MEI1: variants seen among roughly 807,000 people sequenced by gnomAD.
MEI1 encodes meiosis inhibitor protein 1.
Under a neutral mutation model 146.2 loss-of-function variants are expected in MEI1, and 103 were observed. The ratio of observed to expected loss-of-function variants is 0.70; its 90% CI spans 0.60 to 0.83. The LOEUF (loss-of-function observed/expected upper bound fraction) is 0.83. Ranked by LOEUF, MEI1 falls within the 40% of genes least tolerant of loss-of-function variation. MEI1 has a pLI of 0.00. For missense variants in MEI1, 1,529 were observed against 1,533.0 expected, an observed-to-expected ratio of 1.00 and a Z score of 0.04; for synonymous variants, 652 against 628.2, an observed-to-expected ratio of 1.04 and a Z score of -0.57.
At chr22:41,771,276 C>A (rs1443664967) in intron 20 of MEI1, among the ~76,000 whole-genome samples, 1 of 152,220 alleles carries the variant, frequency 6.6e-6, no homozygotes, top group Non-Finnish European at 1.5e-5. Context: ...ATCTCTCAAG[C>A]AGATTCTGCT....
chr22:41,712,671 G>GGTGT (rs1191178804), intron 3 of MEI1, among the ~76,000 whole-genome samples: 574 of 56,254 alleles, frequency 0.01, 5 homozygotes, highest in African/African-American at 0.038. Flanking sequence ...AATAGAAATA[G>GGTGT]ATGTGTGTGT....
Position 41,739,543 on chromosome 22 carries a change from G to C in MEI1, c.1332-3537G>C, listed in dbSNP as rs550997854. Among the ~76,000 whole-genome samples, 652 of 132,502 alleles carry C rather than the reference G, an allele frequency of 4.9e-3. 8 individuals are homozygous for C. The highest frequency in any genetic ancestry group is 5.7e-3 in the Non-Finnish European group (380 of 66,398). 86.9% of individuals were successfully genotyped at this position (132,502 alleles called of 152,430 possible). On this transcript the variant is annotated intron_variant, in intron 11 of 30. Coordinates refer to ENST00000401548, the MANE Select transcript of MEI1 (RefSeq NM_152513.4). Reference sequence around the variant, plus strand: ...AGTCTTTGTGATTTGACTCTAGGTTGGTTCTAAAAATTGAAACAAAAAATA... The same window carrying C: ...AGTCTTTGTGATTTGACTCTAGGTTCGTTCTAAAAATTGAAACAAAAAATA...
chr22:41,702,447 C>T (rs2068779859), intron 1 of MEI1, among the ~76,000 whole-genome samples: 1 of 148,846 alleles, frequency 6.7e-6, no homozygotes, highest in South Asian at 2.1e-4. Context: ...CTTGAACACA[C>T]TTTTTTTCTT....
chr22:41,762,466 C>T (rs1157406063), intron 18 of MEI1, among the ~76,000 whole-genome samples: 1 of 151,902 alleles, frequency 6.6e-6, no homozygotes, highest in East Asian at 1.9e-4. Context: ...CCTCAACCTC[C>T]TGGGCTCCAG....
chr22:41,777,099 G>A (rs2148111523), intron 21 of MEI1, among the ~76,000 whole-genome samples: 1 of 151,608 alleles, frequency 6.6e-6, no homozygotes, highest in Admixed American at 6.6e-5. Flanking sequence ...TTACAGGGGT[G>A]AGCCACTGCG....
At chr22:41,762,150 A>G (rs937932765) in intron 18 of MEI1, among the ~76,000 whole-genome samples, 20 of 151,010 alleles carry the variant, frequency 1.3e-4, no homozygotes, top group Middle Eastern at 3.4e-3. Context: ...TATATTCTCA[A>G]TCCTCTCACC....
At chr22:41,705,943 G>A (rs2069061936) in intron 3 of MEI1, among the ~76,000 whole-genome samples, 1 of 151,800 alleles carries the variant, frequency 6.6e-6, no homozygotes, top group Non-Finnish European at 1.5e-5. Flanking sequence ...CCTGACCTCA[G>A]GCGATCTGCC....
intron 19 of MEI1, among the ~76,000 whole-genome samples, chr22:41,768,963 A>G (rs2075015973): frequency 1.3e-5 from 2 of 152,234 alleles, no homozygotes; most frequent in South Asian, 4.1e-4. Context: ...GCATTCATGA[A>G]TTGGAAGACT....
intron 3 of MEI1, among the ~76,000 whole-genome samples, chr22:41,708,573 C>T (rs1222692148): frequency 6.6e-6 from 1 of 152,168 alleles, no homozygotes; most frequent in African/African-American, 2.4e-5. Context: ...CACTATAAAA[C>T]CCAATGAAGT....
chr22:41,699,760 C>G, intron 1 of MEI1, 48 bp downstream of exon 1: 1 of 1,511,072 alleles, frequency 6.6e-7, no homozygotes, highest in Non-Finnish European at 8.8e-7. Flanking sequence ...GGCCATTTCC[C>G]TCAGCAAACG....
chr22:41,729,584 A>T, intron 7 of MEI1, 81 bp from the exon 8 acceptor site: 2 of 804,612 alleles, frequency 2.5e-6, no homozygotes, highest in Non-Finnish European at 4.2e-6. Flanking sequence ...GAATTAGGCT[A>T]TTGCCCTGAG....
chr22:41,714,132 G>T (rs1002587998), intron 4 of MEI1, 57 bp downstream of exon 4: 3 of 1,490,218 alleles, frequency 2.0e-6, no homozygotes, highest in Middle Eastern at 1.7e-4. Context: ...GTCAGAGCTG[G>T]GTCAACCCTT....
At chr22:41,777,720 C>A (rs1409668232) in intron 21 of MEI1, among the ~76,000 whole-genome samples, 1 of 152,052 alleles carries the variant, frequency 6.6e-6, no homozygotes, top group East Asian at 1.9e-4. Context: ...TTTATTTCTC[C>A]CAGTTTTGGG....
In MEI1 at chr22:41,795,643, G is replaced by A. The variant is rs1395423013; in HGVS notation, c.3667-92G>A. On this transcript the variant is annotated intron_variant, in intron 29 of 30. Coordinates refer to ENST00000401548, the MANE Select transcript of MEI1 (RefSeq NM_152513.4). This position sits in a 1 kb window ranked among gnomAD's most constrained non-coding sequence, Gnocchi z 4.2. ...CTCTGGCCACAGCAACCAAGGAATG[G>A]GAGGAGGGAAGTACAGAGGATGGAG... is the stretch of plus-strand genomic sequence containing the variant. The A allele has an allele frequency of 1.9e-6, 3 of 1,592,006 alleles. No individual in the cohort carries two copies. In the African/African-American group the frequency reaches 4.0e-5, roughly 21 times the overall value.
intron 11 of MEI1, among the ~76,000 whole-genome samples, chr22:41,736,082 C>T (rs979584576): frequency 1.3e-5 from 2 of 152,114 alleles, no homozygotes; most frequent in Non-Finnish European, 1.5e-5. Context: ...GCTTCTAATA[C>T]GGAACACTTC....
intron 17 of MEI1, among the ~76,000 whole-genome samples, chr22:41,756,058 A>G (rs1681259046): frequency 6.6e-6 from 1 of 152,196 alleles, no homozygotes; most frequent in Non-Finnish European, 1.5e-5. Context: ...TCTGTGGAGT[A>G]GTGTCAAATA....
intron 1 of MEI1, among the ~76,000 whole-genome samples, chr22:41,699,972 C>A (rs2068570167): frequency 6.6e-6 from 1 of 152,256 alleles, no homozygotes; most frequent in Non-Finnish European, 1.5e-5. Flanking sequence ...TCCGGATCCC[C>A]CGGGACCTCA....
intron 8 of MEI1, 91 bp from the exon 9 acceptor site, chr22:41,730,430 G>A (rs1280423889): frequency 1.3e-5 from 10 of 795,176 alleles, no homozygotes; most frequent in Non-Finnish European, 1.3e-5. Flanking sequence ...GCAAGAGTAA[G>A]GTGCTGAATA....
intron 20 of MEI1, among the ~76,000 whole-genome samples, chr22:41,772,900 A>G (rs2148066335): frequency 6.6e-6 from 1 of 152,254 alleles, no homozygotes; most frequent in Middle Eastern, 3.4e-3. Context: ...TCTATTTGAC[A>G]TTTCTGCCTA....
Sources: allele counts gnomAD v4.1 joint callset (sites outside exome capture counted in the v4.1 genomes callset), GRCh38; gene constraint gnomAD v4.1.1; non-coding constraint Gnocchi (gnomAD v3.1); transcripts MANE v1.5; gene names NCBI Gene and HGNC (gene_info 2026-07-23, HGNC 2026-07-21).